SMAD4: variants seen among roughly 807,000 people sequenced by gnomAD.
The protein encoded by SMAD4 is MAD homolog 4.
In SMAD4, 7 loss-of-function variants were observed where a neutral mutation model predicts 63.2. That is an observed-to-expected ratio of 0.11 (90% CI 0.06 to 0.21). The LOEUF (loss-of-function observed/expected upper bound fraction) is 0.21. Among genes scored for constraint, SMAD4 ranks in the 10% least tolerant of loss-of-function variants. The probability of loss-of-function intolerance (pLI) is 1.00; values close to 1 mark genes in which losing one functional copy is unlikely to be tolerated. For missense variants in SMAD4, 312 were observed against 693.8 expected, an observed-to-expected ratio of 0.45 and a Z score of 6.18; for synonymous variants, 215 against 235.4, an observed-to-expected ratio of 0.91 and a Z score of 0.79.
chr18:51,066,984 T>C lies in SMAD4; in HGVS notation c.1140-35T>C, dbSNP rs768025763. The C allele has an allele frequency of 1.2e-5, 18 of 1,513,884 alleles. No individual in the cohort carries two copies. Among genetic ancestry groups the C allele is most frequent in the African/African-American group, 4.1e-5 (3 of 73,010 alleles). 93.8% of individuals were successfully genotyped at this position (1,513,884 alleles called of 1,614,324 possible). A position where few individuals can be genotyped will look rare whatever the true frequency, so the allele number is the denominator to read the frequency against. On this transcript the variant is annotated intron_variant, in intron 9 of 11. Transcript: ENST00000342988. ...ACTAAAATTTAATTTAAAATACTTA[T>C]CAAGATAAAATGTAATTTCTTTTTT...
At chr18:51,059,244 A>G (rs1406284043) in intron 7 of SMAD4, among the ~76,000 whole-genome samples, 1 of 152,178 alleles carries the variant, frequency 6.6e-6, no homozygotes, top group Non-Finnish European at 1.5e-5. Flanking sequence ...TGTAATTTTT[A>G]ATGGCTGCCT....
chr18:51,053,932 C>T (rs2144416036), intron 4 of SMAD4: 1 of 152,180 alleles, frequency 6.6e-6, no homozygotes, highest in South Asian at 2.1e-4. Context: ...AAAACAATAA[C>T]CTAAAAACAA....
intron 1 of SMAD4, among the ~76,000 whole-genome samples, chr18:51,040,745 C>A (rs146528282): frequency 1.5e-4 from 23 of 152,288 alleles, no homozygotes; most frequent in African/African-American, 5.5e-4. Flanking sequence ...CAATTAATAG[C>A]AAGGCTAGAG....
intron 1 of SMAD4, among the ~76,000 whole-genome samples, chr18:51,033,419 A>G (rs976392581): frequency 6.6e-6 from 1 of 152,152 alleles, no homozygotes; most frequent in Non-Finnish European, 1.5e-5. Context: ...TGAACAACTG[A>G]CCTCAGGTGA....
intron 1 of SMAD4, chr18:51,044,996 CAG>C (rs1909498136): frequency 6.6e-6 from 1 of 152,190 alleles, no homozygotes; most frequent in South Asian, 2.1e-4. Context: ...TGAGTTGAGA[CAG>C]ACATTTATGT....
At chr18:51,070,524 A>G (rs1167897663) in intron 10 of SMAD4, among the ~76,000 whole-genome samples, 3 of 152,230 alleles carry the variant, frequency 2.0e-5, no homozygotes, top group African/African-American at 7.2e-5. Flanking sequence ...ACTGTTCTTT[A>G]GAAGAGTCTT....
chr18:51,051,020 C>G, intron 4 of SMAD4: 1 of 163,490 alleles, frequency 6.1e-6, no homozygotes, highest in Non-Finnish European at 1.3e-5. Flanking sequence ...GATATTGTAT[C>G]ACTTCTTTTT....
chr18:51,084,012 G>GCACACACACACA lies in SMAD4; in HGVS notation c.*5566_*5577dup, dbSNP rs56017493. The GCACACACACACA allele has an allele frequency of 2.8e-4, 45 of 162,868 alleles. No individual in the cohort carries two copies. Among genetic ancestry groups the GCACACACACACA allele is most frequent in the African/African-American group, 6.8e-4 (24 of 35,204 alleles). The allele number at this position is 162,868 out of a possible 1,614,324, so 10.1% of individuals were successfully genotyped here. ...TTAACGCGCGTGCGCACGCGCGCGC[G>GCACACACACACA]CACACACACACACACACACACACAC... is the stretch of plus-strand genomic sequence containing the variant. On this transcript the variant is annotated 3_prime_UTR_variant, in exon 12 of 12. Transcript: ENST00000342988.
At chr18:51,054,455 A>G (rs1909787891) in intron 4 of SMAD4, 2 of 324,274 alleles carry the variant, frequency 6.2e-6, no homozygotes, top group Admixed American at 4.6e-5. Flanking sequence ...TGCCTTATGT[A>G]TTTAGGTGAT....
intron 4 of SMAD4, chr18:51,053,460 T>A (rs1379398379): frequency 1.3e-5 from 2 of 152,202 alleles, no homozygotes; most frequent in Non-Finnish European, 2.9e-5. Flanking sequence ...CAGTTTTTTT[T>A]ATTGATACAT....
At position 51,084,447 on chromosome 18, in the gene SMAD4, G is replaced by A. The variant is rs1910699328; in HGVS notation, c.*5980G>A. 2 of 180,040 alleles carry A rather than the reference G, an allele frequency of 1.1e-5. No homozygotes were observed. Among genetic ancestry groups the A allele is most frequent in the Non-Finnish European group, 2.3e-5 (2 of 86,614 alleles). 11.2% of individuals were successfully genotyped at this position (180,040 alleles called of 1,614,324 possible). The stretch of plus-strand genomic sequence containing the variant: ...TCTCTTCTAGCCTACCCTTGGATGA[G>A]TACAATTAATGAAATTCATATTTTC... On this transcript the variant is annotated 3_prime_UTR_variant, in exon 12 of 12. Coordinates refer to ENST00000342988, the MANE Select transcript of SMAD4 (RefSeq NM_005359.6).
At chr18:51,076,500 A>G in intron 10 of SMAD4, 138 bp from the exon 11 acceptor site, 2 of 747,176 alleles carry the variant, frequency 2.7e-6, no homozygotes, top group South Asian at 3.6e-5. Context: ...CAATGTACAT[A>G]AAAGTTTACA....
At chr18:51,059,937 A>G in intron 8 of SMAD4, 21 bp downstream of exon 8, 4 of 1,581,448 alleles carry the variant, frequency 2.5e-6, no homozygotes, top group Non-Finnish European at 3.5e-6. Flanking sequence ...TTCAAAATTG[A>G]TTTCCTGTAT....
chr18:51,062,988 G>A (rs527961991), intron 8 of SMAD4, among the ~76,000 whole-genome samples: 5 of 149,336 alleles, frequency 3.3e-5, no homozygotes, highest in African/African-American at 9.8e-5. Flanking sequence ...CAAGTAGCTG[G>A]GACTATAGGC....
intron 1 of SMAD4, among the ~76,000 whole-genome samples, chr18:51,046,181 T>C (rs1237878168): frequency 6.6e-6 from 1 of 152,202 alleles, no homozygotes; most frequent in Admixed American, 6.5e-5. Flanking sequence ...TTTGTATTAA[T>C]ACCAGACTGT....
At chr18:51,058,771 C>T (rs894680211) in intron 7 of SMAD4, among the ~76,000 whole-genome samples, 50 of 152,086 alleles carry the variant, frequency 3.3e-4, no homozygotes, top group African/African-American at 1.2e-3. Context: ...TGTATATCCA[C>T]GCATAATGGA....
chr18:51,045,556 T>A (rs1909519720), intron 1 of SMAD4, among the ~76,000 whole-genome samples: 1 of 152,228 alleles, frequency 6.6e-6, no homozygotes, highest in Non-Finnish European at 1.5e-5. Context: ...TTTAATTTTT[T>A]TGAAAATAAT....
At chr18:51,070,649 A>G (rs1223996131) in intron 10 of SMAD4, among the ~76,000 whole-genome samples, 2 of 152,160 alleles carry the variant, frequency 1.3e-5, no homozygotes, top group African/African-American at 4.8e-5. Flanking sequence ...AATTCCAGAA[A>G]CAATTCATAG....
intron 1 of SMAD4, among the ~76,000 whole-genome samples, chr18:51,031,203 C>T (rs1909040588): frequency 6.6e-6 from 1 of 152,138 alleles, no homozygotes; most frequent in African/African-American, 2.4e-5. Flanking sequence ...AAACATGCTT[C>T]CTAATAAAAG....
Sources: allele counts gnomAD v4.1 joint callset (sites outside exome capture counted in the v4.1 genomes callset), GRCh38; gene constraint gnomAD v4.1.1; transcripts MANE v1.5; gene names NCBI Gene and HGNC (gene_info 2026-07-23, HGNC 2026-07-21).